Variants in EDDM13 observed in about 807,000 individuals in gnomAD.
The protein encoded by EDDM13 is epididymal protein 13.
A neutral mutation model predicts 17.8 loss-of-function variants in EDDM13; 24 were observed. The observed-to-expected ratio is 1.35, with a 90% CI of 0.98 to 1.90. EDDM13 has a LOEUF of 1.90. Among genes scored for constraint, EDDM13 ranks in the 40% most tolerant of loss-of-function variants. EDDM13 has a pLI of 0.00. For missense variants in EDDM13, 97 were observed against 100.8 expected, an observed-to-expected ratio of 0.96 and a Z score of 0.16; for synonymous variants, 31 against 37.5, an observed-to-expected ratio of 0.83 and a Z score of 0.63.
At chr19:56,273,069 A>G (rs62122532) in intron 1 of EDDM13, 150 bp downstream of exon 1, 77,219 of 174,300 alleles carry the variant, frequency 0.44, 18,746 homozygotes, top group Non-Finnish European at 0.53. Flanking sequence ...TGATGGACAC[A>G]GTGGGGTGAA....
At chr19:56,285,230 T>C (rs150241116) in intron 6 of EDDM13, among the ~76,000 whole-genome samples, 7 of 152,364 alleles carry the variant, frequency 4.6e-5, no homozygotes, top group Admixed American at 4.6e-4. Flanking sequence ...ATAATTATTA[T>C]GCTGTGGAGT....
intron 12 of EDDM13, among the ~76,000 whole-genome samples, chr19:56,301,271 G>A (rs540029859): frequency 6.6e-6 from 1 of 152,156 alleles, no homozygotes; most frequent in Non-Finnish European, 1.5e-5. Context: ...TAAACAAGGG[G>A]TGGATTATTT....
chr19:56,296,691 G>C (rs552700614), intron 11 of EDDM13, among the ~76,000 whole-genome samples: 2 of 152,256 alleles, frequency 1.3e-5, no homozygotes, highest in African/African-American at 4.8e-5. Flanking sequence ...AGGCTATTAT[G>C]TCCTATGGAG....
chr19:56,279,101 C>A (rs1186534151), intron 2 of EDDM13, among the ~76,000 whole-genome samples: 1 of 152,198 alleles, frequency 6.6e-6, no homozygotes, highest in Non-Finnish European at 1.5e-5. Flanking sequence ...TCAGTGCCTA[C>A]TGAAGCATTG....
Position 56,274,863 on chromosome 19 carries a change from C to T in EDDM13, c.86-1229C>T, listed in dbSNP as rs549035208. ...ATCTCCTTTGGTCTTGTGATTTGTCCTTAGGATGTGTGATTGAACCTCCTC... is the reference window on the plus strand; with the variant it reads ...ATCTCCTTTGGTCTTGTGATTTGTCTTTAGGATGTGTGATTGAACCTCCTC... On this transcript the variant is annotated intron_variant, in intron 1 of 14. Coordinates refer to ENST00000649256, the MANE Select transcript of EDDM13 (RefSeq NM_001354658.2). The T allele has an allele frequency of 3.3e-5, 5 of 152,142 alleles. No homozygotes were observed. The East Asian group carries it at 9.6e-4, about 29-fold the overall frequency. The allele number at this position is 152,142 out of a possible 1,614,324, so 9.4% of individuals were successfully genotyped here.
intron 13 of EDDM13, chr19:56,303,113 G>T: frequency 2.6e-6 from 1 of 378,336 alleles, no homozygotes; most frequent in Non-Finnish European, 4.7e-6. Context: ...TTGAGGAGGG[G>T]AAGCAGGGGA....
intron 14 of EDDM13, among the ~76,000 whole-genome samples, chr19:56,306,885 C>T (rs1397881533): frequency 1.6e-5 from 1 of 61,916 alleles, no homozygotes; most frequent in Non-Finnish European, 3.1e-5. Flanking sequence ...GCCTCTCCCA[C>T]GTCGCCAGAG....
At chr19:56,307,584 C>T (rs978891669) in intron 14 of EDDM13, among the ~76,000 whole-genome samples, 11 of 152,096 alleles carry the variant, frequency 7.2e-5, no homozygotes, top group Non-Finnish European at 4.4e-5. Flanking sequence ...TCTTTTACCC[C>T]GTATCTTGCA....
At chr19:56,274,106 T>G (rs1013402608) in intron 1 of EDDM13, among the ~76,000 whole-genome samples, 1 of 152,172 alleles carries the variant, frequency 6.6e-6, no homozygotes, top group Admixed American at 6.5e-5. Flanking sequence ...GCTCTCTTTA[T>G]ACATACATGT....
chr19:56,283,180 CTCTT>C (rs753116437), intron 4 of EDDM13, among the ~76,000 whole-genome samples: 2 of 152,178 alleles, frequency 1.3e-5, no homozygotes, highest in South Asian at 4.1e-4. Context: ...ACTTTACCAC[CTCTT>C]TCTGATTCCA....
chr19:56,291,168 T>C (rs1021701394), intron 9 of EDDM13, among the ~76,000 whole-genome samples: 4 of 152,130 alleles, frequency 2.6e-5, no homozygotes, highest in African/African-American at 9.7e-5. Context: ...AGCATTGAGT[T>C]GTACATATTT....
intron 1 of EDDM13, among the ~76,000 whole-genome samples, chr19:56,275,863 G>T (rs1056336618): frequency 6.6e-6 from 1 of 152,224 alleles, no homozygotes; most frequent in Non-Finnish European, 1.5e-5. Context: ...CATGTACCAT[G>T]TGAATGTTGG....
At chr19:56,297,821 T>C (rs1241493324) in intron 12 of EDDM13, 1 of 152,148 alleles carries the variant, frequency 6.6e-6, no homozygotes. Context: ...GACATGGAAA[T>C]TACCAAGCTA....
chr19:56,302,473 CTTCTTCCT>C (rs2040325007), intron 13 of EDDM13, among the ~76,000 whole-genome samples: 1 of 146,058 alleles, frequency 6.8e-6, no homozygotes, highest in African/African-American at 2.6e-5. Context: ...TCCTCCCTCC[CTTCTTCCT>C]TCCCATCCTT....
intron 1 of EDDM13, among the ~76,000 whole-genome samples, chr19:56,274,240 G>A (rs549151773): frequency 1.3e-5 from 2 of 152,224 alleles, no homozygotes; most frequent in African/African-American, 4.8e-5. Flanking sequence ...GATTATTTGA[G>A]GTCAGAAGCT....
chr19:56,286,248 C>T (rs996959088), intron 6 of EDDM13: 2 of 152,100 alleles, frequency 1.3e-5, no homozygotes, highest in Admixed American at 6.5e-5. Flanking sequence ...TCTTGAACTC[C>T]TGACCTTGTG....
At chr19:56,298,942 A>C (rs916344097) in intron 12 of EDDM13, among the ~76,000 whole-genome samples, 2 of 152,206 alleles carry the variant, frequency 1.3e-5, no homozygotes, top group Admixed American at 1.3e-4. Flanking sequence ...TCCTAGACTA[A>C]ATATTAGCAA....
intron 1 of EDDM13, among the ~76,000 whole-genome samples, chr19:56,274,015 AC>A (rs906693206): frequency 1.6e-4 from 24 of 152,174 alleles, no homozygotes; most frequent in African/African-American, 5.8e-4. Context: ...GTAGAAGGTT[AC>A]GAGGCACTGA....
At chr19:56,287,797 C>G (rs149882495) in intron 6 of EDDM13, among the ~76,000 whole-genome samples, 1 of 152,322 alleles carries the variant, frequency 6.6e-6, no homozygotes, top group African/African-American at 2.4e-5. Flanking sequence ...ACAGTAGATT[C>G]ATTCAGCACC....
Sources: allele counts gnomAD v4.1 joint callset (sites outside exome capture counted in the v4.1 genomes callset), GRCh38; gene constraint gnomAD v4.1.1; transcripts MANE v1.5; gene names NCBI Gene and HGNC (gene_info 2026-07-23, HGNC 2026-07-21).